Variants in CDC14A observed in about 807,000 individuals in gnomAD.
The protein encoded by CDC14A is cell division cycle 14A, also known as dual specificity protein phosphatase CDC14A.
In CDC14A, 53 loss-of-function variants were observed where a neutral mutation model predicts 74.4. The observed-to-expected ratio is 0.71, with a 90% CI of 0.57 to 0.89. The LOEUF is 0.89. Among genes scored for constraint, CDC14A ranks in the 40% least tolerant of loss-of-function variants. The probability of loss-of-function intolerance (pLI) is 0.00; values close to 1 mark genes in which losing one functional copy is unlikely to be tolerated. For missense variants in CDC14A, 646 were observed against 713.7 expected (o/e 0.91, Z 1.08); for synonymous variants, 247 against 258.4 (o/e 0.96, Z 0.43).
At chr1:100,366,091 C>T (rs1164923576) in intron 2 of CDC14A, among the ~76,000 whole-genome samples, 1 of 152,098 alleles carries the variant, frequency 6.6e-6, no homozygotes, top group Non-Finnish European at 1.5e-5. Context: ...GACTGGTGAC[C>T]AATAGGCTTT....
chr1:100,518,174 A>C (rs1478954049), intron 15 of CDC14A, 77 bp from the exon 16 acceptor site: 1 of 1,073,964 alleles, frequency 9.3e-7, no homozygotes, highest in Non-Finnish European at 1.4e-6. Context: ...CTTGTGTGGA[A>C]GGGAGAAGCT....
chr1:100,409,405 C>G (rs981418718), intron 4 of CDC14A, among the ~76,000 whole-genome samples: 13 of 152,186 alleles, frequency 8.5e-5, no homozygotes, highest in Non-Finnish European at 1.8e-4. Context: ...GCCTTCCCAA[C>G]AGTCCCTCAG....
intron 7 of CDC14A, among the ~76,000 whole-genome samples, chr1:100,444,011 G>A (rs1320502834): frequency 6.6e-6 from 1 of 152,124 alleles, no homozygotes; most frequent in Non-Finnish European, 1.5e-5. Context: ...CCCTAGTCTA[G>A]AATAGGGCTG....
At chr1:100,459,916 C>G (rs1232659798) in intron 8 of CDC14A, among the ~76,000 whole-genome samples, 2 of 152,202 alleles carry the variant, frequency 1.3e-5, no homozygotes, top group African/African-American at 2.4e-5. Flanking sequence ...AAAACCTACT[C>G]ACCAATTCTA....
At chr1:100,452,112 A>G (rs979276442) in intron 7 of CDC14A, among the ~76,000 whole-genome samples, 1 of 152,184 alleles carries the variant, frequency 6.6e-6, no homozygotes, top group African/African-American at 2.4e-5. Flanking sequence ...TTTCTATCTT[A>G]TTGTAGGTTT....
intron 4 of CDC14A, among the ~76,000 whole-genome samples, chr1:100,420,082 A>ATATATATATGT (rs58124351): frequency 2.8e-5 from 3 of 105,526 alleles, no homozygotes; most frequent in African/African-American, 1.0e-4. Context: ...ATATATATAT[A>ATATATATATGT]GTGTGTATGT....
At chr1:100,414,565 T>A (rs946856377) in intron 4 of CDC14A, among the ~76,000 whole-genome samples, 2 of 152,178 alleles carry the variant, frequency 1.3e-5, no homozygotes, top group African/African-American at 4.8e-5. Flanking sequence ...TCATTTTCTT[T>A]CTTCATTTGG....
chr1:100,483,582 A>G (rs1669718027), intron 10 of CDC14A, among the ~76,000 whole-genome samples: 1 of 152,196 alleles, frequency 6.6e-6, no homozygotes. Flanking sequence ...CTTATAGGAA[A>G]TGTATGAAGG....
intron 3 of CDC14A, among the ~76,000 whole-genome samples, chr1:100,389,101 A>G (rs11166445): frequency 0.24 from 34,976 of 144,790 alleles, 5,553 homozygotes; most frequent in African/African-American, 0.47. Context: ...ATTGAGGCTG[A>G]GAGGTCAAGG....
intron 7 of CDC14A, among the ~76,000 whole-genome samples, chr1:100,449,016 A>G (rs1180625622): frequency 4.6e-5 from 7 of 152,202 alleles, no homozygotes; most frequent in South Asian, 4.1e-4. Flanking sequence ...TTGTGATACA[A>G]AATTTCTCAC....
At chr1:100,424,104 C>A in intron 4 of CDC14A, 118 bp from the exon 5 acceptor site, 1 of 747,164 alleles carries the variant, frequency 1.3e-6, no homozygotes, top group Admixed American at 2.0e-5. Flanking sequence ...TTGTAAAGAT[C>A]AACACTATCA....
chr1:100,431,077 T>C (rs1245468153), intron 5 of CDC14A, among the ~76,000 whole-genome samples: 1 of 152,238 alleles, frequency 6.6e-6, no homozygotes, highest in Non-Finnish European at 1.5e-5. Flanking sequence ...GGGCATATTT[T>C]GAATAAGTGT....
chr1:100,468,215 T>C, intron 10 of CDC14A, 121 bp downstream of exon 10: 1 of 1,051,180 alleles, frequency 9.5e-7, no homozygotes, highest in East Asian at 2.4e-5. Context: ...TTAAGAGAAG[T>C]GTGTGCCTCT....
chr1:100,406,336 T>A (rs1012446030), intron 4 of CDC14A, among the ~76,000 whole-genome samples: 1 of 152,234 alleles, frequency 6.6e-6, no homozygotes, highest in Non-Finnish European at 1.5e-5. Context: ...GGTTGTCTGT[T>A]CACTCTGATG....
chr1:100,450,689 T>C (rs1312407221), intron 7 of CDC14A, among the ~76,000 whole-genome samples: 1 of 152,186 alleles, frequency 6.6e-6, no homozygotes, highest in East Asian at 1.9e-4. Context: ...GTTACACCCA[T>C]TGCTGGTTCA....
At chr1:100,512,678 A>G (rs142299313) in intron 15 of CDC14A, among the ~76,000 whole-genome samples, 2 of 152,324 alleles carry the variant, frequency 1.3e-5, no homozygotes, top group Non-Finnish European at 2.9e-5. Flanking sequence ...GAATCTATTA[A>G]AAATCATGTA....
chr1:100,382,559 G>T (rs1337142451), intron 3 of CDC14A, among the ~76,000 whole-genome samples: 1 of 151,046 alleles, frequency 6.6e-6, no homozygotes, highest in Non-Finnish European at 1.5e-5. Context: ...TTTAATTATT[G>T]ATTTCATTTT....
intron 4 of CDC14A, chr1:100,391,075 G>A (rs748658449): frequency 4.3e-6 from 2 of 463,954 alleles, no homozygotes; most frequent in Admixed American, 3.4e-5. Context: ...AGTTATATAG[G>A]TATTTTAATA....
chr1:100,403,199 CACAT>C (rs1333229412), intron 4 of CDC14A, among the ~76,000 whole-genome samples: 1 of 152,184 alleles, frequency 6.6e-6, no homozygotes, highest in African/African-American at 2.4e-5. Context: ...CTAGTACACA[CACAT>C]ACACACACGC....
Sources: gnomAD v4.1 joint callset for allele counts (sites outside exome capture counted in the v4.1 genomes callset) on GRCh38, gnomAD v4.1.1 for gene constraint, MANE v1.5 for transcripts, NCBI Gene and HGNC (gene_info 2026-07-23, HGNC 2026-07-21) for gene names.